Variants in ANK2 observed in about 807,000 individuals in gnomAD.
The protein encoded by ANK2 is ankyrin 2, also known as ankyrin-2.
ANK2 carries 83 observed loss-of-function variants against 360.5 expected under a neutral mutation model. The ratio of observed to expected loss-of-function variants is 0.23; its 90% CI spans 0.19 to 0.28. ANK2 has a LOEUF of 0.28. Among genes scored for constraint, ANK2 ranks in the 10% least tolerant of loss-of-function variants. ANK2 has a pLI of 1.00. For missense variants in ANK2, 4,201 were observed against 4,795.7 expected, an observed-to-expected ratio of 0.88 and a Z score of 3.66; for synonymous variants, 1,740 against 1,759.5, an observed-to-expected ratio of 0.99 and a Z score of 0.28.
chr4:113,317,574 C>T, intron 24 of ANK2, 133 bp from the exon 25 acceptor site: 1 of 722,564 alleles, frequency 1.4e-6, no homozygotes, highest in Non-Finnish European at 2.5e-6. Context: ...ACAACAGAGA[C>T]TTGTGTCCCC....
the ANK2 span, among the ~76,000 whole-genome samples, chr4:112,744,483 A>G: frequency 6.6e-6 from 1 of 151,214 alleles, no homozygotes; most frequent in African/African-American, 2.4e-5. Flanking sequence ...AGTAGCTGGG[A>G]TTACTGGGGC....
At chr4:112,787,422 A>G in the ANK2 span, among the ~76,000 whole-genome samples, 1 of 152,180 alleles carries the variant, frequency 6.6e-6, no homozygotes, top group South Asian at 2.1e-4. Context: ...TCACTCAGAT[A>G]ATTTTAAGAT....
chr4:113,211,125 T>A (rs927531632), intron 4 of ANK2, among the ~76,000 whole-genome samples: 1 of 152,202 alleles, frequency 6.6e-6, no homozygotes, highest in Non-Finnish European at 1.5e-5. Context: ...CCAAATTCTA[T>A]ACATTCAACT....
chr4:113,371,049 AG>A (rs1261231630), intron 43 of ANK2, among the ~76,000 whole-genome samples: 1 of 152,196 alleles, frequency 6.6e-6, no homozygotes, highest in African/African-American at 2.4e-5. Flanking sequence ...AAAAAGTAAT[AG>A]AATTCAAAAA....
At chr4:113,022,731 T>C (rs1197302564) in intron 2 of ANK2, among the ~76,000 whole-genome samples, 1 of 152,242 alleles carries the variant, frequency 6.6e-6, no homozygotes, top group Non-Finnish European at 1.5e-5. Flanking sequence ...AGACTTCATA[T>C]CACTTTTCAT....
At chr4:112,829,866 G>A (rs2149649241) in intron 1 of ANK2, among the ~76,000 whole-genome samples, 1 of 152,248 alleles carries the variant, frequency 6.6e-6, no homozygotes, top group South Asian at 2.1e-4. Context: ...GGCTGAGGCG[G>A]GAGAATGGCG....
intron 31 of ANK2, among the ~76,000 whole-genome samples, chr4:113,338,955 A>C (rs1188939816): frequency 1.3e-5 from 2 of 152,236 alleles, no homozygotes; most frequent in African/African-American, 4.8e-5. Context: ...CCTTGCAATT[A>C]TAATAAAAGC....
At chr4:113,066,272 G>A (rs1350352708) in intron 1 of ANK2, among the ~76,000 whole-genome samples, 1 of 152,154 alleles carries the variant, frequency 6.6e-6, no homozygotes, top group Non-Finnish European at 1.5e-5. Context: ...ACAGGGGCTG[G>A]ACTCATTCTG....
intron 4 of ANK2, chr4:113,214,102 G>T: frequency 1.3e-6 from 1 of 776,490 alleles, no homozygotes; most frequent in Non-Finnish European, 2.2e-6. Context: ...AATCGGGGTG[G>T]GGGTGTTCGG....
chr4:112,791,103 G>A, the ANK2 span, among the ~76,000 whole-genome samples: 1 of 152,158 alleles, frequency 6.6e-6, no homozygotes, highest in Non-Finnish European at 1.5e-5. Context: ...GGCAGAAGTT[G>A]GATTACTGGG....
At chr4:112,737,407 T>C in the ANK2 span, among the ~76,000 whole-genome samples, 2 of 152,252 alleles carry the variant, frequency 1.3e-5, no homozygotes, top group Admixed American at 1.3e-4. Flanking sequence ...TTTTGTGAAA[T>C]GTAAATATCC....
At chr4:112,827,441 G>A (rs1313876926) in intron 1 of ANK2, 1 of 1,383,138 alleles carries the variant, frequency 7.2e-7, no homozygotes, top group Non-Finnish European at 1.0e-6. Context: ...GGAAGTGAGG[G>A]CTTAAAAGAC....
At chr4:112,989,692 T>C (rs1405237139) in intron 2 of ANK2, among the ~76,000 whole-genome samples, 3 of 152,084 alleles carry the variant, frequency 2.0e-5, no homozygotes, top group Non-Finnish European at 4.4e-5. Flanking sequence ...TCATCAGAGG[T>C]CTTAAAAGAG....
upstream of ANK2, among the ~76,000 whole-genome samples, chr4:113,048,250 A>G (rs201346601): frequency 0.022 from 375 of 17,074 alleles, 5 homozygotes; most frequent in East Asian, 0.23. Flanking sequence ...ACAAGTGTGT[A>G]TATATATATA....
rs758753200 is a variant in ANK2, at chr4:113,049,697, G to A, written c.-32G>A. 9 of 1,576,600 alleles carry A rather than the reference G, an allele frequency of 5.7e-6. No homozygotes were observed. Among genetic ancestry groups the A allele is most frequent in the African/African-American group, 1.4e-5 (1 of 73,712 alleles). On this transcript the variant is annotated 5_prime_UTR_variant, in exon 1 of 46. It removes an upstream start codon present in the reference 5' UTR. Coordinates refer to ENST00000357077, the MANE Select transcript of ANK2 (RefSeq NM_001148.6). Reference sequence around the variant, plus strand: ...GTCTGTACAGGCGGCACGGTTTGATGGCAGAGATATTTTCTTTCCAAACTG... The same window carrying A: ...GTCTGTACAGGCGGCACGGTTTGATAGCAGAGATATTTTCTTTCCAAACTG...
chr4:113,134,363 G>T (rs1340886827), intron 1 of ANK2, among the ~76,000 whole-genome samples: 1 of 144,692 alleles, frequency 6.9e-6, no homozygotes, highest in East Asian at 2.0e-4. Flanking sequence ...TGAAAAAGGA[G>T]GGCTACTGAG....
At chr4:112,749,540 A>C in the ANK2 span, among the ~76,000 whole-genome samples, 1 of 152,164 alleles carries the variant, frequency 6.6e-6, no homozygotes, top group Non-Finnish European at 1.5e-5. Context: ...CAGAGTCAGC[A>C]GTCACCAACC....
intron 2 of ANK2, among the ~76,000 whole-genome samples, chr4:112,990,701 T>G (rs2046441745): frequency 6.6e-6 from 1 of 152,198 alleles, no homozygotes; most frequent in Non-Finnish European, 1.5e-5. Context: ...ATGTAAATCT[T>G]CTACCTTTAT....
chr4:112,791,767 A>C, the ANK2 span, among the ~76,000 whole-genome samples: 1 of 152,108 alleles, frequency 6.6e-6, no homozygotes, highest in African/African-American at 2.4e-5. Flanking sequence ...CTGGGATTAC[A>C]GGCGTGAGCC....
Sources: allele counts gnomAD v4.1 joint callset (sites outside exome capture counted in the v4.1 genomes callset), GRCh38; gene constraint gnomAD v4.1.1; transcripts MANE v1.5; gene names NCBI Gene and HGNC (gene_info 2026-07-23, HGNC 2026-07-21).